Variants in PDZD2 observed in about 807,000 individuals in gnomAD.
PDZD2 encodes PDZ domain containing 2.
In PDZD2, 90 loss-of-function variants were observed where a neutral mutation model predicts 220.7. That is an observed-to-expected ratio of 0.41 (90% CI 0.34 to 0.49). The LOEUF (loss-of-function observed/expected upper bound fraction) is 0.49. Ranked by LOEUF, PDZD2 falls within the 20% of genes least tolerant of loss-of-function variation. The pLI, the probability that PDZD2 is intolerant of heterozygous loss-of-function variation, is 0.28. For synonymous variants in PDZD2, 1,375 were observed against 1,450.5 expected, an observed-to-expected ratio of 0.95 and a Z score of 1.18; for missense variants, 3,174 against 3,608.5, an observed-to-expected ratio of 0.88 and a Z score of 3.08.
chr5:31,877,111 C>A (rs1189391065), intron 2 of PDZD2, among the ~76,000 whole-genome samples: 1 of 152,180 alleles, frequency 6.6e-6, no homozygotes, highest in African/African-American at 2.4e-5. Flanking sequence ...TCTATAATAG[C>A]ATTACTGCAT....
chr5:31,818,916 T>C (rs1484451696), intron 2 of PDZD2, among the ~76,000 whole-genome samples: 3 of 152,226 alleles, frequency 2.0e-5, no homozygotes, highest in Admixed American at 6.5e-5. Context: ...TAATCTATGT[T>C]CATTTGCAAT....
intron 1 of PDZD2, among the ~76,000 whole-genome samples, chr5:31,768,180 C>T (rs1752136432): frequency 2.6e-5 from 4 of 152,194 alleles, no homozygotes; most frequent in Admixed American, 2.6e-4. Flanking sequence ...CAACAGCACG[C>T]TGTGGTTCAG....
In PDZD2 at chr5:32,000,669, C is replaced by A. The variant is rs546677526; in HGVS notation, c.1254+398C>A. ...AGGATTACAGCCACATGCCATCACA[C>A]CCGGCTAATTTTGTATTTTTTATAG... On this transcript the variant is annotated intron_variant, in intron 5 of 24. Transcript: ENST00000438447. The surrounding 1 kb of genome is among the most constrained non-coding windows in gnomAD (Gnocchi z 4.5). Among the ~76,000 whole-genome samples, 1 of 152,264 alleles carries A rather than the reference C, an allele frequency of 6.6e-6. No homozygotes were observed. Among genetic ancestry groups the A allele is most frequent in the South Asian group, 2.1e-4 (1 of 4,824 alleles).
At chr5:31,781,093 A>G (rs10085143) in intron 1 of PDZD2, among the ~76,000 whole-genome samples, 15,283 of 152,148 alleles carry the variant, frequency 0.1, 840 homozygotes, top group South Asian at 0.18. Flanking sequence ...TGATGGGTGG[A>G]GGAGGATGGT....
intron 2 of PDZD2, among the ~76,000 whole-genome samples, chr5:31,944,330 G>A (rs1746455991): frequency 6.6e-6 from 1 of 152,178 alleles, no homozygotes; most frequent in South Asian, 2.1e-4. Context: ...CCAGGACAGC[G>A]TGGTATGTTC....
At chr5:31,840,448 ATTTG>A (rs1757233147) in intron 2 of PDZD2, 1 of 86,184 alleles carries the variant, frequency 1.2e-5, no homozygotes, top group Non-Finnish European at 2.1e-5. Context: ...ATATATATAT[ATTTG>A]TTTATAGTCC....
At chr5:31,781,840 G>A (rs934476621) in intron 1 of PDZD2, among the ~76,000 whole-genome samples, 15 of 152,186 alleles carry the variant, frequency 9.9e-5, no homozygotes, top group African/African-American at 3.4e-4. Flanking sequence ...GTTGGCCAGA[G>A]GGGACTACTA....
At chr5:31,703,612 C>T (rs1747689939) in intron 1 of PDZD2, among the ~76,000 whole-genome samples, 1 of 152,138 alleles carries the variant, frequency 6.6e-6, no homozygotes, top group South Asian at 2.1e-4. Context: ...GCACGTTCTG[C>T]ACATGTATCC....
chr5:31,827,904 C>T (rs1756327890), intron 2 of PDZD2, among the ~76,000 whole-genome samples: 1 of 152,122 alleles, frequency 6.6e-6, no homozygotes, highest in African/African-American at 2.4e-5. Context: ...CTCCGCTTCT[C>T]CAAGCCCCTG....
At chr5:31,904,952 T>TTGTG (rs34098919) in intron 2 of PDZD2, among the ~76,000 whole-genome samples, 13 of 151,316 alleles carry the variant, frequency 8.6e-5, no homozygotes, top group Admixed American at 2.0e-4. Context: ...GGGAGTGAAT[T>TTGTG]TGTGTGTGTG....
intron 2 of PDZD2, among the ~76,000 whole-genome samples, chr5:31,903,882 C>A (rs534757736): frequency 3.0e-4 from 45 of 151,944 alleles, no homozygotes; most frequent in Non-Finnish European, 5.6e-4. Flanking sequence ...CGCCACCATG[C>A]GCAGGAAATT....
intron 18 of PDZD2, among the ~76,000 whole-genome samples, chr5:32,076,419 A>G (rs934789418): frequency 1.2e-4 from 18 of 152,140 alleles, no homozygotes; most frequent in Non-Finnish European, 2.2e-4. Flanking sequence ...TACTCTCAGA[A>G]TGAACTTTTG....
chr5:31,747,486 A>T (rs1750669766), intron 1 of PDZD2, among the ~76,000 whole-genome samples: 1 of 152,104 alleles, frequency 6.6e-6, no homozygotes, highest in Non-Finnish European at 1.5e-5. Context: ...CTGTTTTTTC[A>T]GGTGACAAGG....
intron 2 of PDZD2, among the ~76,000 whole-genome samples, chr5:31,926,262 C>T (rs1744749759): frequency 6.6e-6 from 1 of 150,670 alleles, no homozygotes; most frequent in African/African-American, 2.4e-5. Context: ...GGCATGATGG[C>T]TCACGCCTGT....
intron 2 of PDZD2, among the ~76,000 whole-genome samples, chr5:31,885,615 G>A (rs1394647): frequency 0.53 from 80,479 of 152,020 alleles, 23,296 homozygotes; most frequent in African/African-American, 0.77. Context: ...TATGGATGTA[G>A]TGATCTCTAA....
chr5:32,038,044 A>G (rs1755695690), intron 7 of PDZD2, among the ~76,000 whole-genome samples: 1 of 148,614 alleles, frequency 6.7e-6, no homozygotes, highest in South Asian at 2.2e-4. Flanking sequence ...AGGTTTCACC[A>G]TGTTGGCCAG....
rs186888492 is a variant in PDZD2 at position 31,932,315 on chromosome 5, G to A, written c.477-50840G>A. Among the ~76,000 whole-genome samples, 10 of 152,278 alleles carry A rather than the reference G, an allele frequency of 6.6e-5. No homozygotes were observed. In the East Asian group the frequency reaches 9.6e-4, roughly 15 times the overall value. ...TGTAATCCTTGTACTTTAGGAGGCC[G>A]AGGCAGGCAGATCACCTGAGGTCAG... is the stretch of plus-strand genomic sequence containing the variant. On this transcript the variant is annotated intron_variant, in intron 2 of 24. Coordinates refer to ENST00000438447, the MANE Select transcript of PDZD2 (RefSeq NM_178140.4).
At chr5:31,808,822 C>CA (rs1179917753) in intron 2 of PDZD2, among the ~76,000 whole-genome samples, 3 of 151,716 alleles carry the variant, frequency 2.0e-5, no homozygotes, top group Admixed American at 6.6e-5. Flanking sequence ...ACTAGAAATA[C>CA]AAAAAATTAG....
chr5:31,836,246 AG>A, intron 2 of PDZD2, among the ~76,000 whole-genome samples: 1 of 19,372 alleles, frequency 5.2e-5, no homozygotes, highest in South Asian at 8.5e-4. Context: ...TTTTTTTTTG[AG>A]ACAGAGTCTT....
Sources: gnomAD v4.1 joint callset for allele counts (sites outside exome capture counted in the v4.1 genomes callset) on GRCh38, gnomAD v4.1.1 for gene constraint, Gnocchi (gnomAD v3.1) non-coding constraint, MANE v1.5 for transcripts, NCBI Gene and HGNC (gene_info 2026-07-23, HGNC 2026-07-21) for gene names.